Variants in CLUH observed in about 807,000 individuals in gnomAD.
CLUH encodes the protein clustered mitochondria protein homolog.
CLUH carries 77 observed loss-of-function variants against 139.3 expected under a neutral mutation model. The observed-to-expected ratio is 0.55, with a 90% CI of 0.46 to 0.67. The LOEUF is 0.67. CLUH is among the 30% of genes least tolerant of loss of function. The pLI, the probability that CLUH is intolerant of heterozygous loss-of-function variation, is 0.00. For synonymous variants in CLUH, 999 were observed against 801.6 expected (o/e 1.25, Z -4.16); for missense variants, 1,876 against 1,875.8 (o/e 1.00, Z 0.00).
At position 2,691,984 on chromosome 17, in the gene CLUH, GCC is replaced by G; in HGVS notation, c.3654+18_3654+19del. 3 of 486,942 alleles carry G rather than the reference GCC, an allele frequency of 6.2e-6. 1 individual carries two copies. The highest frequency in any genetic ancestry group is 2.4e-4 in the Admixed American group (2 of 8,384). 30.2% of individuals were successfully genotyped at this position (486,942 alleles called of 1,614,324 possible). ...ACGCCCCCGCCCCGCCCCCGCCCCC[GCC>G]ACGCCCCCGCCGCGCACCTGCGTCT... On this transcript the variant is annotated intron_variant, in intron 23 of 25. Transcript: ENST00000651024.
chr17:2,694,087 A>T (rs767485795), intron 18 of CLUH, 36 bp downstream of exon 18: 1 of 1,613,512 alleles, frequency 6.2e-7, no homozygotes, highest in Admixed American at 1.7e-5. Flanking sequence ...GCCATGGGGA[A>T]CCCCCACCTC....
At chr17:2,709,203 G>A (rs1259457581) in intron 1 of CLUH, among the ~76,000 whole-genome samples, 2 of 152,172 alleles carry the variant, frequency 1.3e-5, no homozygotes, top group South Asian at 2.1e-4. Flanking sequence ...AGAAGACTGT[G>A]CCAGGGCCAG....
intron 23 of CLUH, 24 bp from the exon 24 acceptor site, chr17:2,691,919 A>C: frequency 1.5e-6 from 2 of 1,377,374 alleles, no homozygotes; most frequent in Non-Finnish European, 1.9e-6. Context: ...GGAAGGGATC[A>C]GGCCCCCCCG....
At chr17:2,697,000 T>G (rs1166497408) in intron 10 of CLUH, 58 bp from the exon 11 acceptor site, 1 of 1,354,072 alleles carries the variant, frequency 7.4e-7, no homozygotes, top group African/African-American at 1.5e-5. Context: ...GGAGCTCTGC[T>G]GGCCCACGGC....
In CLUH at chr17:2,698,069, G is replaced by A. The variant is rs764538812; in HGVS notation, c.1788C>T (p.Asp596=). 1.4e-5 allele frequency: 22 copies of A among 1,606,370 alleles called. No homozygotes were observed. The highest frequency in any genetic ancestry group is 2.2e-5 in the East Asian group (1 of 44,746). ...SVECKGIIGN[D]GRHYILDLLR... ...GCAGGTCGAGGATGTAGTGGCGCCCGTCGTTGCCAATGATGCCCTTGCACT... is the reference window on the plus strand; with the variant it reads ...GCAGGTCGAGGATGTAGTGGCGCCCATCGTTGCCAATGATGCCCTTGCACT... The change falls in exon 10 of 26, where the codon GAC becomes GAT. Residue 596 remains aspartate, a synonymous_variant. Coordinates refer to ENST00000651024, the MANE Select transcript of CLUH (RefSeq NM_001366661.1).
rs895872367 is a variant in CLUH at position 2,694,740 on chromosome 17, C to T, written c.2852+117G>A. 2.9e-6 allele frequency: 4 copies of T among 1,400,682 alleles called. No homozygotes were observed. In the African/African-American group the frequency reaches 4.4e-5, roughly 15 times the overall value. 86.8% of individuals were successfully genotyped at this position (1,400,682 alleles called of 1,614,324 possible). ...ACCCAGTGATCTCCACAGCTGCTCC[C>T]TCTTCTCTCTGACTCCCTGGCCTAT... On this transcript the variant is annotated intron_variant, in intron 16 of 25. Coordinates refer to ENST00000651024, the MANE Select transcript of CLUH (RefSeq NM_001366661.1).
At chr17:2,695,852 A>T (rs1222981857) in intron 13 of CLUH, 7 of 577,474 alleles carry the variant, frequency 1.2e-5, no homozygotes, top group Non-Finnish European at 2.1e-5. Context: ...CCAGACACAG[A>T]GCCTGCGGGA....
Position 2,706,102 on chromosome 17 carries a change from A to G in CLUH, c.101-1538T>C, listed in dbSNP as rs910230506. Among the ~76,000 whole-genome samples the G allele has an allele frequency of 6.6e-6, 1 of 151,236 alleles. No homozygotes were observed. The highest frequency in any genetic ancestry group is 6.6e-5 in the Admixed American group (1 of 15,188). On this transcript the variant is annotated intron_variant, in intron 1 of 25. Transcript: ENST00000651024. The surrounding 1 kb of genome is among the most constrained non-coding windows in gnomAD (Gnocchi z 4.6). ...GCCCAGCTCTGCCCATCCCATCTAG[A>G]CCCCACCTCCCCTTCCCCACCCGGC...
chr17:2,696,552 G>T lies in CLUH; in HGVS notation c.2186-14C>A. The T allele has an allele frequency of 6.4e-7, 1 of 1,555,400 alleles. No homozygotes were observed. The highest frequency in any genetic ancestry group is 8.7e-7 in the Non-Finnish European group (1 of 1,153,156). On this transcript the variant is annotated splice_polypyrimidine_tract_variant and intron_variant, in intron 11 of 25. Coordinates refer to ENST00000651024, the MANE Select transcript of CLUH (RefSeq NM_001366661.1). ...TCCGAGGGTCTGCTGTGGAGACATG[G>T]CTCCATGAGACACGGGTCCCCTCTG...
chr17:2,700,359 C>A (rs753509120), intron 9 of CLUH, 23 bp downstream of exon 9: 1 of 1,602,794 alleles, frequency 6.2e-7, no homozygotes, highest in South Asian at 1.1e-5. Flanking sequence ...CTCAGACTGC[C>A]GGTCAGCAGA....
intron 9 of CLUH, among the ~76,000 whole-genome samples, chr17:2,699,153 C>A (rs2070085769): frequency 6.6e-6 from 1 of 151,298 alleles, no homozygotes; most frequent in Non-Finnish European, 1.5e-5. Context: ...TTGGGATCCA[C>A]CAGTTATGTG....
At position 2,711,748 on chromosome 17, in the gene CLUH, G is replaced by A. The variant is rs941812905; in HGVS notation, c.-87C>T. The A allele has an allele frequency of 5.8e-5, 30 of 515,706 alleles. No individual in the cohort carries two copies. The highest frequency in any genetic ancestry group is 1.3e-4 in the Admixed American group (2 of 15,652). The allele number at this position is 515,706 out of a possible 1,614,324, so 31.9% of individuals were successfully genotyped here. A position where few individuals can be genotyped will look rare whatever the true frequency, so the allele number is the denominator to read the frequency against. On this transcript the variant is annotated 5_prime_UTR_variant, in exon 1 of 26. Coordinates refer to ENST00000651024, the MANE Select transcript of CLUH (RefSeq NM_001366661.1). ...TGCCCTGCGCGCCGCGGCTGCTGAGGGAAGGACGGAGTCACCGGCCCACGT... is the reference window on the plus strand; with the variant it reads ...TGCCCTGCGCGCCGCGGCTGCTGAGAGAAGGACGGAGTCACCGGCCCACGT...
rs924763868 is a variant in CLUH at position 2,702,149 on chromosome 17, C to G, written c.476-92G>C. 87 of 1,451,794 alleles carry G rather than the reference C, an allele frequency of 6.0e-5. 2 individuals are homozygous for G. The Middle Eastern group carries it at 1.2e-3, about 21-fold the overall frequency. The allele number at this position is 1,451,794 out of a possible 1,614,324, so 89.9% of individuals were successfully genotyped here. On this transcript the variant is annotated intron_variant, in intron 3 of 25. Coordinates refer to ENST00000651024, the MANE Select transcript of CLUH (RefSeq NM_001366661.1). ...AAAACAGGTTTTGGAGGTGCTAACA[C>G]AGTGGTTTTAATTTTCAACTTTAGG... is the stretch of plus-strand genomic sequence containing the variant.
chr17:2,689,854 T>A lies in CLUH; in HGVS notation c.*740A>T, dbSNP rs2069553589. The A allele has an allele frequency of 6.6e-6, 1 of 152,526 alleles. No individual in the cohort carries two copies. Among genetic ancestry groups the A allele is most frequent in the Middle Eastern group, 3.4e-3 (1 of 296 alleles). The allele number at this position is 152,526 out of a possible 1,614,324, so 9.4% of individuals were successfully genotyped here. ...GGTTAAAACTGAGGGGAGGGATACATTCAGACCGCAGGCCCCAAGGCTGCG... is the reference window on the plus strand; with the variant it reads ...GGTTAAAACTGAGGGGAGGGATACAATCAGACCGCAGGCCCCAAGGCTGCG... On this transcript the variant is annotated 3_prime_UTR_variant, in exon 26 of 26. Transcript: ENST00000651024.
chr17:2,699,429 C>G (rs902415507), intron 9 of CLUH, among the ~76,000 whole-genome samples: 1 of 152,122 alleles, frequency 6.6e-6, no homozygotes, highest in Non-Finnish European at 1.5e-5. Flanking sequence ...CTGGCTCAGG[C>G]CATCCTCCCA....
intron 3 of CLUH, 97 bp from the exon 4 acceptor site, chr17:2,702,154 G>T: frequency 7.0e-7 from 1 of 1,431,758 alleles, no homozygotes. Flanking sequence ...TAACACAGTG[G>T]TTTTAATTTT....
chr17:2,698,663 G>C, intron 9 of CLUH, 73 bp from the exon 10 acceptor site: 1 of 1,376,008 alleles, frequency 7.3e-7, no homozygotes, highest in Non-Finnish European at 9.7e-7. Flanking sequence ...CCAAGCGCAC[G>C]CACCTAGACC....
chr17:2,700,440 C>T lies in CLUH; in HGVS notation c.1208G>A (p.Arg403Lys), dbSNP rs761592587. 6.2e-7 allele frequency: 1 copy of T among 1,613,258 alleles called. No individual in the cohort carries two copies. Among genetic ancestry groups the T allele is most frequent in the Non-Finnish European group, 8.5e-7 (1 of 1,179,812 alleles). ...RDWNEELQTT[R>K]ELPRKNLPER... ...AGGCAGGTTCTTGCGAGGCAGCTCCCTCGTCGTCTGCAGCTCCTCATTCCA... is the reference window on the plus strand; with the variant it reads ...AGGCAGGTTCTTGCGAGGCAGCTCCTTCGTCGTCTGCAGCTCCTCATTCCA... Residue 403 changes from arginine (R) to lysine (K), a missense_variant, in exon 9 of 26, where the codon AGG becomes AAG. Arg to Lys is a conservative substitution (Grantham distance 26). Coordinates refer to ENST00000651024, the MANE Select transcript of CLUH (RefSeq NM_001366661.1).
intron 16 of CLUH, 36 bp downstream of exon 16, chr17:2,694,821 A>AAACCCCCCCCCCC: frequency 3.3e-5 from 48 of 1,446,298 alleles, no homozygotes; most frequent in Non-Finnish European, 4.2e-5. Flanking sequence ...CATCTGCCCA[A>AAACCCCCCCCCCC]TCCCACCCAC....
Sources: allele counts gnomAD v4.1 joint callset (sites outside exome capture counted in the v4.1 genomes callset), GRCh38; gene constraint gnomAD v4.1.1; non-coding constraint Gnocchi (gnomAD v3.1); transcripts MANE v1.5; gene names NCBI Gene and HGNC (gene_info 2026-07-23, HGNC 2026-07-21).